DNM3: variants seen among roughly 807,000 people sequenced by gnomAD.
The protein encoded by DNM3 is dynamin-3.
DNM3 carries 47 observed loss-of-function variants against 101.6 expected under a neutral mutation model. The observed-to-expected ratio is 0.46, with a 90% CI of 0.37 to 0.59. The LOEUF (loss-of-function observed/expected upper bound fraction) is 0.59. DNM3 is among the 20% of genes least tolerant of loss of function. DNM3 has a pLI of 0.00. For synonymous variants in DNM3, 385 were observed against 387.9 expected, an observed-to-expected ratio of 0.99 and a Z score of 0.09; for missense variants, 849 against 1,085.7, an observed-to-expected ratio of 0.78 and a Z score of 3.06.
In DNM3 at chr1:172,131,297, CAG is replaced by C. The variant is rs1431148467; in HGVS notation, c.1659+14_1659+15del. On this transcript the variant is annotated intron_variant, in intron 14 of 20. Transcript: ENST00000627582. Reference sequence around the variant, plus strand: ...GGTATAAAGATGATGAGGTAAGTCACAGAGAGTGATAAAGTTTTCTTGTTAAA... The same window carrying C: ...GGTATAAAGATGATGAGGTAAGTCACAGAGTGATAAAGTTTTCTTGTTAAA... 1.2e-6 allele frequency: 2 copies of C among 1,607,784 alleles called. No homozygotes were observed. The highest frequency in any genetic ancestry group is 1.7e-5 in the Admixed American group (1 of 59,866).
At position 171,944,855 on chromosome 1, in the gene DNM3, C is replaced by CTTTTTTTT. The variant is rs71561600; in HGVS notation, c.235+23053_235+23060dup. The stretch of plus-strand genomic sequence containing the variant: ...TTGTTTTCTTTTTTTTTGGTGTTTC[C>CTTTTTTTT]TTTTTTTTTTTTTTTTTTTTTTTTT... On this transcript the variant is annotated intron_variant, in intron 2 of 20. Coordinates refer to ENST00000627582, the MANE Select transcript of DNM3 (RefSeq NM_015569.5). Among the ~76,000 whole-genome samples, 2 of 87,426 alleles carry CTTTTTTTT rather than the reference C, an allele frequency of 2.3e-5. 1 individual carries two copies. The highest frequency in any genetic ancestry group is 1.0e-4 in the African/African-American group (2 of 19,770). The allele number at this position is 87,426 out of a possible 152,430, so 57.4% of individuals were successfully genotyped here.
intron 2 of DNM3, among the ~76,000 whole-genome samples, chr1:171,970,449 A>C (rs573243145): frequency 6.6e-6 from 1 of 152,248 alleles, no homozygotes; most frequent in African/African-American, 2.4e-5. Context: ...AACAGTACTT[A>C]ATATGTGTTA....
At chr1:172,387,064 A>T in intron 18 of DNM3, 69 bp from the exon 19 acceptor site, 1 of 1,332,546 alleles carries the variant, frequency 7.5e-7, no homozygotes, top group Non-Finnish European at 1.1e-6. Flanking sequence ...TGACTGCCAC[A>T]GCCATGTTTC....
chr1:172,132,747 G>A (rs2057007853), intron 14 of DNM3: 1 of 573,016 alleles, frequency 1.7e-6, no homozygotes, highest in East Asian at 2.9e-5. Context: ...GTGATGGCTA[G>A]TGTTTTATAT....
At chr1:172,022,558 AGC>A (rs1376407125) in intron 4 of DNM3, among the ~76,000 whole-genome samples, 1 of 152,048 alleles carries the variant, frequency 6.6e-6, no homozygotes, top group African/African-American at 2.4e-5. Flanking sequence ...TTTTTATTAG[AGC>A]TATAAATATA....
At chr1:172,053,387 T>C (rs2050344213) in intron 10 of DNM3, among the ~76,000 whole-genome samples, 1 of 152,174 alleles carries the variant, frequency 6.6e-6, no homozygotes, top group African/African-American at 2.4e-5. Context: ...CTAAAGGGCC[T>C]CTGTGAGTCA....
At chr1:172,294,845 G>A (rs977243427) in intron 15 of DNM3, among the ~76,000 whole-genome samples, 1 of 150,998 alleles carries the variant, frequency 6.6e-6, no homozygotes, top group African/African-American at 2.4e-5. Context: ...CTGAAAGGTG[G>A]AGGTGGCAGT....
At chr1:171,904,001 A>G (rs1308443502) in intron 1 of DNM3, among the ~76,000 whole-genome samples, 1 of 152,182 alleles carries the variant, frequency 6.6e-6, no homozygotes, top group East Asian at 1.9e-4. Context: ...TATATGTAAC[A>G]AGGCAGCTTA....
rs1201636845 is a variant in DNM3, at chr1:172,131,230, C to G, written c.1601C>G (p.Ser534Trp). 6.2e-7 allele frequency: 1 copy of G among 1,613,266 alleles called. No individual in the cohort carries two copies. Among genetic ancestry groups the G allele is most frequent in the Admixed American group, 1.7e-5 (1 of 59,926 alleles). The change falls in exon 14 of 21, where the codon TCG (serine) becomes TGG (tryptophan). Residue 534 changes from serine (S) to tryptophan (W), a missense_variant. Ser to Trp is a radical substitution (Grantham distance 177, BLOSUM62 -3). Transcript: ENST00000627582. The stretch of plus-strand genomic sequence containing the variant: ...AACATTGGCATCATGAAAGGCGGCT[C>G]GAAGGGATACTGGTTCGTCCTTACT... ...ISNIGIMKGG[S>W]KGYWFVLTAE...
chr1:171,855,861 CTTAAGT>C (rs1295756046), intron 1 of DNM3, among the ~76,000 whole-genome samples: 1 of 152,104 alleles, frequency 6.6e-6, no homozygotes, highest in Non-Finnish European at 1.5e-5. Context: ...TGCAGAAGCT[CTTAAGT>C]TTAATTAGAA....
chr1:172,003,454 C>T (rs1021992398), intron 4 of DNM3, among the ~76,000 whole-genome samples: 2 of 151,880 alleles, frequency 1.3e-5, no homozygotes, highest in African/African-American at 4.8e-5. Context: ...TAAAATATGA[C>T]AATGAAAAAA....
At chr1:172,245,470 G>A (rs2061915585) in intron 14 of DNM3, among the ~76,000 whole-genome samples, 1 of 152,222 alleles carries the variant, frequency 6.6e-6, no homozygotes, top group Non-Finnish European at 1.5e-5. Context: ...GGCAATGGTG[G>A]AGGAGGCCCT....
chr1:171,883,039 G>A (rs1425235704), intron 1 of DNM3, among the ~76,000 whole-genome samples: 4 of 150,516 alleles, frequency 2.7e-5, no homozygotes, highest in Admixed American at 2.0e-4. Flanking sequence ...TAAAAATATG[G>A]GATTATTCTG....
intron 15 of DNM3, among the ~76,000 whole-genome samples, chr1:172,307,354 A>T (rs1573395411): frequency 6.6e-6 from 1 of 152,344 alleles, no homozygotes; most frequent in East Asian, 1.9e-4. Flanking sequence ...TAGAATGGCG[A>T]TCAATAAAGT....
intron 14 of DNM3, among the ~76,000 whole-genome samples, chr1:172,147,804 A>G (rs2057970199): frequency 6.6e-6 from 1 of 152,088 alleles, no homozygotes; most frequent in Admixed American, 6.6e-5. Context: ...CCAACTTCTT[A>G]ATCATCATTA....
intron 13 of DNM3, among the ~76,000 whole-genome samples, chr1:172,129,988 A>G (rs1305905604): frequency 1.3e-5 from 2 of 152,160 alleles, no homozygotes; most frequent in Admixed American, 1.3e-4. Flanking sequence ...GAAACAGGGA[A>G]TCAAGGGTGA....
chr1:172,167,123 A>G (rs1031423660), intron 14 of DNM3, among the ~76,000 whole-genome samples: 1 of 151,776 alleles, frequency 6.6e-6, no homozygotes, highest in Non-Finnish European at 1.5e-5. Context: ...CCTGTGTCCA[A>G]GTGTTCTCAT....
At chr1:171,935,796 T>TTTG (rs1571706223) in intron 2 of DNM3, among the ~76,000 whole-genome samples, 3 of 144,218 alleles carry the variant, frequency 2.1e-5, no homozygotes, top group Non-Finnish European at 3.0e-5. Flanking sequence ...TTTTTTTTTT[T>TTTG]GCCTCTAGGG....
chr1:172,383,520 A>G (rs1018990822), intron 18 of DNM3, among the ~76,000 whole-genome samples: 1 of 152,176 alleles, frequency 6.6e-6, no homozygotes, highest in African/African-American at 2.4e-5. Context: ...TATTGTGTGA[A>G]TGAGAGGCAT....
Sources: gnomAD v4.1 joint callset for allele counts (sites outside exome capture counted in the v4.1 genomes callset) on GRCh38, gnomAD v4.1.1 for gene constraint, MANE v1.5 for transcripts, NCBI Gene and HGNC (gene_info 2026-07-23, HGNC 2026-07-21) for gene names.